The following VEGFC variants were observed in gnomAD, a reference collection of about 807,000 sequenced individuals.
VEGFC encodes the protein vascular endothelial growth factor C.
VEGFC carries 12 observed loss-of-function variants against 46.1 expected under a neutral mutation model. The observed-to-expected ratio is 0.26, with a 90% confidence interval of 0.17 to 0.42. The LOEUF (loss-of-function observed/expected upper bound fraction) is 0.42, where lower values mean the gene tolerates loss of function less well. Ranked by LOEUF, VEGFC falls within the 10% of genes least tolerant of loss-of-function variation. The probability of loss-of-function intolerance (pLI) is 1.00; values close to 1 mark genes in which losing one functional copy is unlikely to be tolerated. For synonymous variants in VEGFC, 232 were observed against 195.5 expected, an observed-to-expected ratio of 1.19 and a Z score of -1.56; for missense variants, 488 against 529.4, an observed-to-expected ratio of 0.92 and a Z score of 0.77.
At chr4:176,754,176 GA>G (rs1027026678) in intron 1 of VEGFC, among the ~76,000 whole-genome samples, 3 of 151,346 alleles carry the variant, frequency 2.0e-5, no homozygotes, top group African/African-American at 7.3e-5. Flanking sequence ...TCACTGCAGT[GA>G]CATACGGACA....
chr4:176,719,425 AG>A (rs1734746846), intron 3 of VEGFC, among the ~76,000 whole-genome samples: 2 of 152,204 alleles, frequency 1.3e-5, no homozygotes, highest in Admixed American at 1.3e-4. Flanking sequence ...GAATAAACTC[AG>A]GAAAAGCTGC....
At chr4:176,687,756 A>G in intron 5 of VEGFC, 65 bp downstream of exon 5, 6 of 1,193,446 alleles carry the variant, frequency 5.0e-6, no homozygotes, top group Non-Finnish European at 7.2e-6. Flanking sequence ...TGGTTTTAAT[A>G]TTAGAGTATG....
intron 6 of VEGFC, 60 bp downstream of exon 6, chr4:176,687,127 T>A: frequency 6.6e-7 from 1 of 1,524,040 alleles, no homozygotes; most frequent in Non-Finnish European, 8.8e-7. Context: ...AGAAAACTGC[T>A]TTTGGTTTAG....
intron 3 of VEGFC, among the ~76,000 whole-genome samples, chr4:176,725,886 A>G (rs998612125): frequency 5.3e-5 from 8 of 152,112 alleles, no homozygotes; most frequent in African/African-American, 1.9e-4. Flanking sequence ...TTACCTTTCA[A>G]AGAATATCTG....
intron 1 of VEGFC, among the ~76,000 whole-genome samples, chr4:176,739,259 C>A (rs1045926586): frequency 2.0e-5 from 3 of 150,932 alleles, no homozygotes; most frequent in African/African-American, 7.3e-5. Flanking sequence ...TCCCCAAATA[C>A]CTAGAGGCAG....
At chr4:176,687,964 A>C in intron 4 of VEGFC, 37 bp from the exon 5 acceptor site, 1 of 1,286,252 alleles carries the variant, frequency 7.8e-7, no homozygotes, top group Non-Finnish European at 1.1e-6. Context: ...CAATGGTGTA[A>C]CTGGTACCTA....
intron 4 of VEGFC, among the ~76,000 whole-genome samples, chr4:176,692,968 C>T (rs1016940861): frequency 6.7e-6 from 1 of 150,020 alleles, no homozygotes; most frequent in African/African-American, 2.5e-5. Context: ...ACACCGAAAA[C>T]CCATCTGTAC....
chr4:176,771,156 T>C (rs964845274), intron 1 of VEGFC, among the ~76,000 whole-genome samples: 4 of 152,194 alleles, frequency 2.6e-5, no homozygotes, highest in Non-Finnish European at 5.9e-5. Context: ...TGGGAAAACA[T>C]CAGCATATGT....
intron 1 of VEGFC, among the ~76,000 whole-genome samples, chr4:176,791,868 G>C (rs144734729): frequency 6.6e-6 from 1 of 152,268 alleles, no homozygotes; most frequent in African/African-American, 2.4e-5. Context: ...TGACTGGGCA[G>C]GGTTCAAGAC....
At chr4:176,696,219 G>A (rs1465431417) in intron 4 of VEGFC, among the ~76,000 whole-genome samples, 1 of 149,448 alleles carries the variant, frequency 6.7e-6, no homozygotes, top group Non-Finnish European at 1.5e-5. Flanking sequence ...CAACATGATT[G>A]TATATCTAGA....
At chr4:176,779,299 G>A (rs948213763) in intron 1 of VEGFC, among the ~76,000 whole-genome samples, 1 of 152,146 alleles carries the variant, frequency 6.6e-6, no homozygotes, top group Admixed American at 6.5e-5. Flanking sequence ...ATTTATATAA[G>A]TAATACAAGG....
chr4:176,696,031 T>C (rs868700506), intron 4 of VEGFC, among the ~76,000 whole-genome samples: 1 of 140,180 alleles, frequency 7.1e-6, no homozygotes. Context: ...AATATCATAC[T>C]GAATGGGCAA....
chr4:176,731,646 C>A (rs138361606), intron 1 of VEGFC, among the ~76,000 whole-genome samples: 1 of 151,898 alleles, frequency 6.6e-6, no homozygotes. Context: ...CACTACAAGT[C>A]AGCTGTGATT....
intron 1 of VEGFC, among the ~76,000 whole-genome samples, chr4:176,769,550 TTTAGA>T (rs1431373278): frequency 6.6e-6 from 1 of 152,154 alleles, no homozygotes; most frequent in Non-Finnish European, 1.5e-5. Flanking sequence ...TAAATGGCTA[TTTAGA>T]TTAATTTTAT....
intron 1 of VEGFC, among the ~76,000 whole-genome samples, chr4:176,781,857 G>A (rs540862900): frequency 2.7e-4 from 41 of 152,272 alleles, no homozygotes; most frequent in Non-Finnish European, 5.3e-4. Flanking sequence ...GTAAAAGGGC[G>A]TTAAACTTTG....
chr4:176,755,000 T>A (rs534736264), intron 1 of VEGFC, among the ~76,000 whole-genome samples: 1 of 152,158 alleles, frequency 6.6e-6, no homozygotes, highest in East Asian at 1.9e-4. Context: ...TAGAAACCCA[T>A]GAACTTAAGA....
chr4:176,730,953 G>A (rs1052484555), intron 1 of VEGFC, among the ~76,000 whole-genome samples: 5 of 152,008 alleles, frequency 3.3e-5, no homozygotes, highest in African/African-American at 1.2e-4. Flanking sequence ...AATATGAAAT[G>A]TGTTGTTCCC....
intron 3 of VEGFC, among the ~76,000 whole-genome samples, chr4:176,723,774 T>C (rs1734829327): frequency 7.6e-6 from 1 of 132,116 alleles, no homozygotes; most frequent in African/African-American, 2.9e-5. Flanking sequence ...AGGTTTGGGG[T>C]TTTATTTTAG....
intron 4 of VEGFC, chr4:176,706,159 C>G (rs1734530695): frequency 6.6e-6 from 1 of 152,152 alleles, no homozygotes; most frequent in Non-Finnish European, 1.5e-5. Flanking sequence ...GTTGTTCTTA[C>G]TTGACTATAA....
Sources: allele counts gnomAD v4.1 joint callset (sites outside exome capture counted in the v4.1 genomes callset), GRCh38; gene constraint gnomAD v4.1.1; transcripts MANE v1.5; gene names NCBI Gene and HGNC (gene_info 2026-07-23, HGNC 2026-07-21).